The following HPD variants were observed in gnomAD, a reference collection of about 807,000 sequenced individuals.
HPD encodes the protein 4-hydroxyphenylpyruvic acid oxidase.
A neutral mutation model predicts 56.9 loss-of-function variants in HPD; 35 were observed. The observed-to-expected ratio is 0.62, with a 90% CI of 0.47 to 0.82. The LOEUF (loss-of-function observed/expected upper bound fraction) is 0.82, where lower values mean the gene tolerates loss of function less well. HPD is among the 40% of genes least tolerant of loss of function. The pLI is 0.00. For missense variants in HPD, 442 were observed against 506.8 expected, an observed-to-expected ratio of 0.87 and a Z score of 1.23; for synonymous variants, 186 against 200.2, an observed-to-expected ratio of 0.93 and a Z score of 0.60.
the HPD span, among the ~76,000 whole-genome samples, chr12:121,869,350 CAAAAAAAA>C: frequency 6.9e-5 from 8 of 115,498 alleles, no homozygotes; most frequent in Admixed American, 1.9e-4. Flanking sequence ...AACTTCGTCT[CAAAAAAAA>C]AAAAAAAAAA....
the HPD span, among the ~76,000 whole-genome samples, chr12:121,886,178 T>G: frequency 6.7e-6 from 1 of 149,972 alleles, no homozygotes; most frequent in Non-Finnish European, 1.5e-5. Context: ...GCACGATCTC[T>G]GCTCACTGCA....
chr12:121,872,591 T>C, the HPD span, among the ~76,000 whole-genome samples: 1 of 151,840 alleles, frequency 6.6e-6, no homozygotes, highest in African/African-American at 2.4e-5. Context: ...CCCTTCTCCA[T>C]CCTTTCCCTG....
upstream of HPD, among the ~76,000 whole-genome samples, chr12:121,865,261 CTCTT>C (rs79584022): frequency 0.61 from 91,485 of 149,476 alleles, 28,304 homozygotes; most frequent in African/African-American, 0.71. Context: ...CAGCGACACT[CTCTT>C]TCTTTCTTTC....
chr12:121,859,098 T>G, upstream of HPD: 1 of 534,156 alleles, frequency 1.9e-6, no homozygotes, highest in South Asian at 2.0e-5. Context: ...GGCAAGCTTT[T>G]CCAGGACGCT....
the HPD span, among the ~76,000 whole-genome samples, chr12:121,879,708 A>G: frequency 8.5e-5 from 13 of 152,310 alleles, no homozygotes; most frequent in East Asian, 1.9e-4. Flanking sequence ...ATAAACATAT[A>G]TAGATATGAC....
upstream of HPD, chr12:121,858,899 G>C: frequency 6.3e-7 from 1 of 1,580,358 alleles, no homozygotes; most frequent in Non-Finnish European, 8.7e-7. Flanking sequence ...ACCCCAAGCA[G>C]GTCCCGCCCA....
intron 11 of HPD, among the ~76,000 whole-genome samples, chr12:121,846,271 C>T (rs1389721226): frequency 6.6e-6 from 1 of 152,134 alleles, no homozygotes. Context: ...GGCTGTGGTA[C>T]AGTGGTGCGA....
chr12:121,843,928 T>C (rs765222340), intron 11 of HPD, 96 bp from the exon 12 acceptor site: 1 of 1,455,800 alleles, frequency 6.9e-7, no homozygotes, highest in Non-Finnish European at 9.6e-7. Flanking sequence ...AGGGTCCCTA[T>C]CCTAGCTCCC....
rs764210991 is a variant in HPD, at chr12:121,843,743, C to T, written c.921G>A (p.Lys307=). 3 of 1,614,136 alleles carry T rather than the reference C, an allele frequency of 1.9e-6. No homozygotes were observed. The highest frequency in any genetic ancestry group is 2.5e-6 in the Non-Finnish European group (3 of 1,180,016). ...CATCAATGTTCTCCTTCACCTTGAT[C>T]TTGGCCGTCTTCAGCTTCTCCCGCA... ...KQLREKLKTA[K]IKVKENIDAL... Residue 307 remains lysine, a synonymous_variant, in exon 12 of 14, where the codon AAG becomes AAA. Coordinates refer to ENST00000289004, the MANE Select transcript of HPD (RefSeq NM_002150.3).
At position 121,847,117 on chromosome 12, in the gene HPD, A is replaced by T; in HGVS notation, c.694T>A (p.Tyr232Asn). The change falls in exon 10 of 14, where the codon TAT becomes AAT. Residue 232 changes from tyrosine (Y) to asparagine (N), a missense_variant. Coordinates refer to ENST00000289004, the MANE Select transcript of HPD (RefSeq NM_002150.3). Reference protein sequence around the residue: ...SSLRSIVVANYEESIKMPINE... With the variant: ...SSLRSIVVANNEESIKMPINE... The stretch of plus-strand genomic sequence containing the variant: ...ATGGGCATCTTGATGGACTCTTCAT[A>T]GTTGGCCACCACAATGGATCGCAGA... 6.2e-7 allele frequency: 1 copy of T among 1,614,168 alleles called. No homozygotes were observed. The highest frequency in any genetic ancestry group is 8.5e-7 in the Non-Finnish European group (1 of 1,180,022).
the HPD span, among the ~76,000 whole-genome samples, chr12:121,882,747 T>C: frequency 6.6e-6 from 1 of 152,152 alleles, no homozygotes; most frequent in Non-Finnish European, 1.5e-5. Flanking sequence ...GGGATCTTTT[T>C]CTTTTTGTTT....
intron 12 of HPD, among the ~76,000 whole-genome samples, 186 bp from the exon 13 acceptor site, chr12:121,840,234 C>A (rs1877363279): frequency 6.6e-6 from 1 of 152,194 alleles, no homozygotes. Context: ...AGGCACCATT[C>A]AAGACTGCTG....
chr12:121,887,014 G>A, the HPD span, among the ~76,000 whole-genome samples: 47 of 152,064 alleles, frequency 3.1e-4, no homozygotes, highest in African/African-American at 1.1e-3. Context: ...ATTCTCCTGC[G>A]TCAGCCTCCC....
chr12:121,866,876 C>G (rs1451379967), upstream of HPD, among the ~76,000 whole-genome samples: 1 of 151,998 alleles, frequency 6.6e-6, no homozygotes, highest in Non-Finnish European at 1.5e-5. Context: ...TTCCATTACC[C>G]CAAAATGTAA....
intron 12 of HPD, among the ~76,000 whole-genome samples, chr12:121,840,339 T>C (rs1566566902): frequency 6.6e-6 from 1 of 152,122 alleles, no homozygotes; most frequent in Non-Finnish European, 1.5e-5. Context: ...CTTGCGCTGT[T>C]ACCCAGGCTG....
the HPD span, among the ~76,000 whole-genome samples, chr12:121,881,213 C>T: frequency 6.6e-6 from 1 of 152,200 alleles, no homozygotes; most frequent in Non-Finnish European, 1.5e-5. Flanking sequence ...GTTGACTTTA[C>T]TGAATAAAAA....
chr12:121,879,919 G>A, the HPD span, among the ~76,000 whole-genome samples: 3 of 152,230 alleles, frequency 2.0e-5, no homozygotes, highest in East Asian at 3.9e-4. Context: ...GGAGGCAGAG[G>A]TGGGTGGATC....
chr12:121,885,650 T>C, the HPD span, among the ~76,000 whole-genome samples: 1,188 of 152,030 alleles, frequency 7.8e-3, 11 homozygotes, highest in African/African-American at 0.027. Flanking sequence ...GGTGGGAGGA[T>C]ATTACAATTT....
chr12:121,886,410 G>GTTTT, the HPD span, among the ~76,000 whole-genome samples: 55 of 110,300 alleles, frequency 5.0e-4, 1 homozygote, highest in African/African-American at 1.4e-3. Context: ...GCCTGGCCTA[G>GTTTT]TTTTTTTTTT....
Sources: allele counts gnomAD v4.1 joint callset (sites outside exome capture counted in the v4.1 genomes callset), GRCh38; gene constraint gnomAD v4.1.1; transcripts MANE v1.5; gene names NCBI Gene and HGNC (gene_info 2026-07-23, HGNC 2026-07-21).